The following ST3GAL3 variants were observed in gnomAD, a reference collection of about 807,000 sequenced individuals.
ST3GAL3 encodes ST3 beta-galactoside alpha-2,3-sialyltransferase 3.
A neutral mutation model predicts 50.1 loss-of-function variants in ST3GAL3; 21 were observed. The observed-to-expected ratio is 0.42, with a 90% confidence interval of 0.30 to 0.60. The LOEUF is 0.60. Ranked by LOEUF, ST3GAL3 falls within the 20% of genes least tolerant of loss-of-function variation. The pLI, the probability that ST3GAL3 is intolerant of heterozygous loss-of-function variation, is 0.19. For missense variants in ST3GAL3, 353 were observed against 489.4 expected (o/e 0.72, Z 2.63); for synonymous variants, 183 against 190.0 (o/e 0.96, Z 0.30).
chr1:43,815,392 G>T (rs2061107915), intron 4 of ST3GAL3, among the ~76,000 whole-genome samples: 1 of 152,086 alleles, frequency 6.6e-6, no homozygotes, highest in Non-Finnish European at 1.5e-5. Context: ...CTCTACCTTT[G>T]CATGTGCTTG....
chr1:43,787,116 G>A (rs951405071), intron 2 of ST3GAL3, among the ~76,000 whole-genome samples: 1 of 152,218 alleles, frequency 6.6e-6, no homozygotes, highest in Non-Finnish European at 1.5e-5. Context: ...AAGATTGCCA[G>A]TAAATTCTAG....
intron 5 of ST3GAL3, among the ~76,000 whole-genome samples, chr1:43,880,712 G>C (rs531649847): frequency 6.6e-6 from 1 of 152,048 alleles, no homozygotes; most frequent in Non-Finnish European, 1.5e-5. Context: ...CCTGCAGTTG[G>C]TTCTGTCCTC....
At chr1:43,747,835 C>T (rs1488534900) in intron 2 of ST3GAL3, among the ~76,000 whole-genome samples, 1 of 151,940 alleles carries the variant, frequency 6.6e-6, no homozygotes, top group African/African-American at 2.4e-5. Flanking sequence ...CTTGCCTTGG[C>T]CTCCCAAGGT....
chr1:43,821,673 A>C (rs2062110337), intron 4 of ST3GAL3, among the ~76,000 whole-genome samples: 1 of 152,116 alleles, frequency 6.6e-6, no homozygotes, highest in Non-Finnish European at 1.5e-5. Flanking sequence ...TTGCCTGAGA[A>C]TTGACCCCGT....
intron 9 of ST3GAL3, chr1:43,916,936 C>A (rs2081916155): frequency 6.6e-6 from 1 of 152,194 alleles, no homozygotes; most frequent in African/African-American, 2.4e-5. Flanking sequence ...ATAAATGTAT[C>A]ATTTAATGAA....
chr1:43,907,654 A>G (rs1392876026), intron 9 of ST3GAL3, among the ~76,000 whole-genome samples: 1 of 151,812 alleles, frequency 6.6e-6, no homozygotes, highest in Non-Finnish European at 1.5e-5. Flanking sequence ...CTCCTCTACC[A>G]TCCCTCCTGT....
intron 9 of ST3GAL3, chr1:43,913,678 C>T (rs1431212932): frequency 6.6e-6 from 1 of 152,176 alleles, no homozygotes; most frequent in African/African-American, 2.4e-5. Flanking sequence ...GAGGAAACTA[C>T]ACCAGGACAG....
At chr1:43,856,856 T>C (rs1251538304) in intron 5 of ST3GAL3, among the ~76,000 whole-genome samples, 1 of 152,250 alleles carries the variant, frequency 6.6e-6, no homozygotes, top group Non-Finnish European at 1.5e-5. Context: ...GCCAGTTCCC[T>C]ATAATGGTAT....
intron 2 of ST3GAL3, among the ~76,000 whole-genome samples, chr1:43,770,270 G>A (rs1694626577): frequency 1.6e-5 from 2 of 122,044 alleles, no homozygotes; most frequent in East Asian, 2.5e-4. Context: ...GAGAGGGGAG[G>A]GGAGGAGAGG....
At chr1:43,718,446 C>T (rs1441099581) in intron 1 of ST3GAL3, among the ~76,000 whole-genome samples, 1 of 151,856 alleles carries the variant, frequency 6.6e-6, no homozygotes, top group East Asian at 1.9e-4. Flanking sequence ...GCCTCGGCCT[C>T]TCAAAGTGCT....
chr1:43,811,671 T>G (rs1228954608), intron 3 of ST3GAL3, among the ~76,000 whole-genome samples: 1 of 152,198 alleles, frequency 6.6e-6, no homozygotes, highest in African/African-American at 2.4e-5. Context: ...AGTGTTCTCC[T>G]GCAGCCAGCC....
At chr1:43,716,152 T>G (rs905237078) in intron 1 of ST3GAL3, among the ~76,000 whole-genome samples, 4 of 152,212 alleles carry the variant, frequency 2.6e-5, no homozygotes, top group African/African-American at 9.7e-5. Context: ...CCTCTGATAA[T>G]ATTAATGGCA....
chr1:43,751,576 G>C (rs1407613263), intron 2 of ST3GAL3, among the ~76,000 whole-genome samples: 1 of 152,186 alleles, frequency 6.6e-6, no homozygotes, highest in Non-Finnish European at 1.5e-5. Context: ...AGTATATAAG[G>C]ATGATCTTTT....
chr1:43,850,909 C>G (rs2067166960), intron 5 of ST3GAL3: 2 of 1,234,716 alleles, frequency 1.6e-6, no homozygotes, highest in Non-Finnish European at 2.4e-6. Context: ...ATCTCTTTGC[C>G]AGTCTTGGGA....
chr1:43,885,432 T>TCGCGTGC (rs1370729086), intron 5 of ST3GAL3, among the ~76,000 whole-genome samples: 5 of 152,138 alleles, frequency 3.3e-5, no homozygotes, highest in East Asian at 1.9e-4. Flanking sequence ...TGAGGCTGCC[T>TCGCGTGC]CGCGTGCCGG....
intron 4 of ST3GAL3, among the ~76,000 whole-genome samples, chr1:43,820,560 G>A (rs546706371): frequency 2.0e-5 from 3 of 152,224 alleles, no homozygotes; most frequent in East Asian, 3.9e-4. Flanking sequence ...CTTATGTCTA[G>A]TGATATTCCA....
At chr1:43,840,887 T>C (rs2906470) in intron 5 of ST3GAL3, 137,772 of 152,334 alleles carry the variant, frequency 0.9, 62,514 homozygotes, top group African/African-American at 0.96. Flanking sequence ...TTGCTTACTT[T>C]CGAGATACAA....
chr1:43,844,642 T>A (rs1417399635), intron 5 of ST3GAL3, among the ~76,000 whole-genome samples: 1 of 152,004 alleles, frequency 6.6e-6, no homozygotes, highest in East Asian at 1.9e-4. Flanking sequence ...AAACCCCGTC[T>A]CTACCAAAAA....
chr1:43,908,093 C>G (rs1229875804), intron 9 of ST3GAL3, among the ~76,000 whole-genome samples: 1 of 152,194 alleles, frequency 6.6e-6, no homozygotes, highest in East Asian at 1.9e-4. Flanking sequence ...TAGGGATAGC[C>G]CCTGATTCTT....
Sources: allele counts gnomAD v4.1 joint callset (sites outside exome capture counted in the v4.1 genomes callset), GRCh38; gene constraint gnomAD v4.1.1; transcripts MANE v1.5; gene names NCBI Gene and HGNC (gene_info 2026-07-23, HGNC 2026-07-21).